The following ADAM18 variants were observed in gnomAD, a reference collection of about 807,000 sequenced individuals.
The protein encoded by ADAM18 is ADAM metallopeptidase domain 18.
ADAM18 carries 117 observed loss-of-function variants against 94.4 expected under a neutral mutation model. The ratio of observed to expected loss-of-function variants is 1.24; its 90% CI spans 1.07 to 1.45. The LOEUF (loss-of-function observed/expected upper bound fraction) is 1.45. Among genes scored for constraint, ADAM18 ranks in the 40% most tolerant of loss-of-function variants. ADAM18 has a pLI of 0.00. For missense variants in ADAM18, 936 were observed against 880.0 expected (o/e 1.06, Z -0.81); for synonymous variants, 327 against 291.6 (o/e 1.12, Z -1.24).
At chr8:39,680,296 A>G in intron 16 of ADAM18, 70 bp downstream of exon 16, 2 of 1,348,600 alleles carry the variant, frequency 1.5e-6, no homozygotes, top group Non-Finnish European at 2.0e-6. Flanking sequence ...GCATTCCATG[A>G]TGACTATCAC....
intron 7 of ADAM18, among the ~76,000 whole-genome samples, chr8:39,636,215 T>C (rs1263423998): frequency 6.6e-6 from 1 of 151,996 alleles, no homozygotes; most frequent in Non-Finnish European, 1.5e-5. Context: ...AGAGATGAAG[T>C]CTCACCATGT....
chr8:39,690,433 G>T (rs921007185), intron 16 of ADAM18, among the ~76,000 whole-genome samples: 1 of 152,140 alleles, frequency 6.6e-6, no homozygotes. Context: ...TCATAGGTGG[G>T]AGGTGCTACA....
chr8:39,641,614 T>G (rs1011674481), intron 10 of ADAM18, among the ~76,000 whole-genome samples: 5 of 152,110 alleles, frequency 3.3e-5, no homozygotes, highest in Admixed American at 6.6e-5. Context: ...TAGCTCCCAC[T>G]TATAAGTGAG....
chr8:39,584,789 C>T, intron 1 of ADAM18, 112 bp downstream of exon 1: 1 of 1,267,662 alleles, frequency 7.9e-7, no homozygotes, highest in East Asian at 2.3e-5. Flanking sequence ...TTCTGGGATC[C>T]CATGCTGGTG....
intron 18 of ADAM18, among the ~76,000 whole-genome samples, chr8:39,720,146 T>C (rs1003058145): frequency 6.6e-6 from 1 of 151,526 alleles, no homozygotes; most frequent in Non-Finnish European, 1.5e-5. Flanking sequence ...AAACTGTTGT[T>C]ATATACACCA....
chr8:39,660,758 A>G (rs921279504), intron 12 of ADAM18, among the ~76,000 whole-genome samples: 1 of 152,236 alleles, frequency 6.6e-6, no homozygotes, highest in African/African-American at 2.4e-5. Context: ...CAGTCCTGTA[A>G]TTAGGAAAAT....
chr8:39,690,262 C>T (rs552955042), intron 16 of ADAM18, among the ~76,000 whole-genome samples: 18 of 152,170 alleles, frequency 1.2e-4, no homozygotes, highest in Middle Eastern at 3.4e-3. Context: ...GGCAGAGGCA[C>T]TCCAGCATGT....
At chr8:39,702,123 T>G (rs1391815334) in intron 17 of ADAM18, among the ~76,000 whole-genome samples, 2 of 152,170 alleles carry the variant, frequency 1.3e-5, no homozygotes, top group Non-Finnish European at 2.9e-5. Flanking sequence ...TAAGTATTCC[T>G]TTTACTCTAC....
chr8:39,617,679 T>C (rs1819484263), intron 6 of ADAM18, among the ~76,000 whole-genome samples: 1 of 152,324 alleles, frequency 6.6e-6, no homozygotes, highest in Middle Eastern at 3.4e-3. Flanking sequence ...GAAATTATGT[T>C]CTGTGTAGCA....
intron 10 of ADAM18, among the ~76,000 whole-genome samples, chr8:39,642,725 AT>A (rs1446420743): frequency 6.6e-6 from 1 of 151,006 alleles, no homozygotes; most frequent in Non-Finnish European, 1.5e-5. Flanking sequence ...TGTTGTTTTC[AT>A]TTTTTGTTTG....
intron 12 of ADAM18, among the ~76,000 whole-genome samples, chr8:39,659,424 T>A (rs1038338485): frequency 2.6e-5 from 4 of 151,594 alleles, no homozygotes; most frequent in Non-Finnish European, 5.9e-5. Flanking sequence ...TGATATATTA[T>A]GAAAGAAAAC....
intron 19 of ADAM18, 61 bp from the exon 20 acceptor site, chr8:39,729,837 G>A: frequency 7.4e-7 from 1 of 1,351,372 alleles, no homozygotes; most frequent in Non-Finnish European, 1.1e-6. Flanking sequence ...TTTAAAATAG[G>A]CAATTGGCTA....
At chr8:39,628,402 TAGAC>T (rs1819832731) in intron 6 of ADAM18, among the ~76,000 whole-genome samples, 2 of 145,126 alleles carry the variant, frequency 1.4e-5, no homozygotes, top group South Asian at 2.2e-4. Context: ...GATGAATTGA[TAGAC>T]TGATAGATCA....
At chr8:39,588,884 G>A (rs1324663160) in intron 2 of ADAM18, among the ~76,000 whole-genome samples, 1 of 152,164 alleles carries the variant, frequency 6.6e-6, no homozygotes, top group East Asian at 1.9e-4. Flanking sequence ...TAGGATGCGT[G>A]CCTTTGTTCT....
intron 12 of ADAM18, among the ~76,000 whole-genome samples, chr8:39,650,838 A>C (rs535251742): frequency 6.6e-5 from 10 of 152,318 alleles, no homozygotes; most frequent in East Asian, 3.9e-4. Context: ...GTTTCTTGTC[A>C]GGTGGAATGA....
At position 39,645,410 on chromosome 8, in the gene ADAM18, ACATATGATGACAT is replaced by A; in HGVS notation, c.985_997del (p.Tyr329LeufsTer6). The A allele has an allele frequency of 6.2e-7, 1 of 1,612,624 alleles. No homozygotes were observed. The highest frequency in any genetic ancestry group is 1.1e-5 in the South Asian group (1 of 90,910). Reference sequence around the variant, plus strand: ...ACTGCTTGGCCTTAATGTAGGATTAACATATGATGACATCACTCAGTGTTTCTGTCTGAGAGCT... The same window carrying A: ...ACTGCTTGGCCTTAATGTAGGATTAACACTCAGTGTTTCTGTCTGAGAGCT... On this transcript the variant is annotated frameshift_variant, in exon 11 of 20. Coordinates refer to ENST00000265707, the MANE Select transcript of ADAM18 (RefSeq NM_014237.3). LOFTEE classifies it high-confidence loss of function.
chr8:39,726,257 T>TACACACAC (rs34664356), intron 19 of ADAM18, among the ~76,000 whole-genome samples: 41 of 145,582 alleles, frequency 2.8e-4, no homozygotes, highest in African/African-American at 9.9e-4. Context: ...GTATGAGATC[T>TACACACAC]ACACACACAC....
At chr8:39,718,867 G>T (rs1276804550) in intron 18 of ADAM18, among the ~76,000 whole-genome samples, 1 of 151,014 alleles carries the variant, frequency 6.6e-6, no homozygotes, top group Non-Finnish European at 1.5e-5. Context: ...GGAGAGGCAT[G>T]CAATTTTCAT....
At chr8:39,651,304 G>C (rs913780788) in intron 12 of ADAM18, among the ~76,000 whole-genome samples, 1 of 152,132 alleles carries the variant, frequency 6.6e-6, no homozygotes, top group Non-Finnish European at 1.5e-5. Context: ...CTGCAAAAAG[G>C]CCTTCCTCTT....
Sources: gnomAD v4.1 joint callset for allele counts (sites outside exome capture counted in the v4.1 genomes callset) on GRCh38, gnomAD v4.1.1 for gene constraint, MANE v1.5 for transcripts, NCBI Gene and HGNC (gene_info 2026-07-23, HGNC 2026-07-21) for gene names.